Variants in INPP5J observed in about 807,000 individuals in gnomAD.
INPP5J encodes the protein inositol polyphosphate-5-phosphatase J, also known as phosphatidylinositol 4,5-bisphosphate 5-phosphatase A.
Under a neutral mutation model 86.6 loss-of-function variants are expected in INPP5J, and 75 were observed. That is an observed-to-expected ratio of 0.87 (90% confidence interval 0.72 to 1.05). The LOEUF (loss-of-function observed/expected upper bound fraction) is 1.05, where lower values mean the gene tolerates loss of function less well. INPP5J is among the 50% of genes least tolerant of loss of function. INPP5J has a pLI of 0.00. For missense variants in INPP5J, 1,229 were observed against 1,341.2 expected (o/e 0.92, Z 1.31); for synonymous variants, 540 against 550.0 (o/e 0.98, Z 0.25).
In INPP5J at chr22:31,128,624, CA is replaced by C; in HGVS notation, c.2165del (p.Lys722SerfsTer36). 6.2e-7 allele frequency: 1 copy of C among 1,601,136 alleles called. No homozygotes were observed. Among genetic ancestry groups the C allele is most frequent in the South Asian group, 1.1e-5 (1 of 89,258 alleles). ...ACATGGAATACACAGTCAGCGACCA[CA>C]AGCCTGTGGCTGCCCAGTTCCTCCT... ...SHMEYTVSDH[K>X]PVAAQFLLQF... On this transcript the variant is annotated frameshift_variant, in exon 9 of 13. Transcript: ENST00000331075. LOFTEE classifies it high-confidence loss of function.
At chr22:31,133,355 G>A (rs1922252845) in intron 10 of INPP5J, 51 bp from the exon 11 acceptor site, 28 of 1,603,916 alleles carry the variant, frequency 1.7e-5, no homozygotes, top group Admixed American at 3.4e-5. Context: ...AGACTGCTGG[G>A]ATCAGACATT....
chr22:31,133,155 C>G lies in INPP5J; in HGVS notation c.2251C>G (p.Arg751Gly). ...VRLEVADEWV[R>G]PEQAVVRYRM... ...GCTGGAGGTGGCAGATGAGTGGGTG[C>G]GGCCCGAGCAGGCGGTGGTGAGGTA... The change falls in exon 10 of 13, where the codon CGG becomes GGG. Residue 751 changes from arginine (R) to glycine (G), a missense_variant. Physicochemically the swap from Arg to Gly is moderately radical, Grantham distance 125. Coordinates refer to ENST00000331075, the MANE Select transcript of INPP5J (RefSeq NM_001284285.2). 1 of 1,577,470 alleles carries G rather than the reference C, an allele frequency of 6.3e-7. No homozygotes were observed. Among genetic ancestry groups the G allele is most frequent in the Non-Finnish European group, 8.6e-7 (1 of 1,162,540 alleles).
At chr22:31,131,356 A>G (rs563438188) in intron 9 of INPP5J, among the ~76,000 whole-genome samples, 1 of 152,224 alleles carries the variant, frequency 6.6e-6, no homozygotes, top group Admixed American at 6.5e-5. Flanking sequence ...CTAGGTCAGG[A>G]GTTCGAGACC....
chr22:31,133,029 G>A, intron 9 of INPP5J, 69 bp from the exon 10 acceptor site: 1 of 1,543,892 alleles, frequency 6.5e-7, no homozygotes, highest in Non-Finnish European at 8.8e-7. Context: ...AGACCCAAGA[G>A]CCTTAAGTGT....
rs754058365 is a variant in INPP5J, at chr22:31,122,999, G to A, written c.-16G>A. On this transcript the variant is annotated 5_prime_UTR_variant, in exon 1 of 13. Transcript: ENST00000331075. ...AGCCGGAGCCAAGGGAGTCCAGGCT[G>A]CCGGGGGCTGCAGACATGGAGGGCC... 3.5e-6 allele frequency: 5 copies of A among 1,423,634 alleles called. No individual in the cohort carries two copies. The highest frequency in any genetic ancestry group is 6.1e-5 in the East Asian group (2 of 33,026). 88.2% of individuals were successfully genotyped at this position (1,423,634 alleles called of 1,614,324 possible). A position where few individuals can be genotyped will look rare whatever the true frequency, so the allele number is the denominator to read the frequency against.
Position 31,125,048 on chromosome 22 carries a change from C to T in INPP5J, c.309C>T (p.Ser103=), listed in dbSNP as rs781427376. 1 of 1,550,630 alleles carries T rather than the reference C, an allele frequency of 6.4e-7. No homozygotes were observed. The highest frequency in any genetic ancestry group is 8.7e-7 in the Non-Finnish European group (1 of 1,147,350). ...EGQKTATAHR[S]SSLAPTSVGQ... ...AGAAAACAGCTACTGCCCACCGCAGCTCCAGCCTGGCCCCAACATCTGTGG... is the reference window on the plus strand; with the variant it reads ...AGAAAACAGCTACTGCCCACCGCAGTTCCAGCCTGGCCCCAACATCTGTGG... Residue 103 remains serine (S), a synonymous_variant, in exon 2 of 13, where the codon AGC becomes AGT. Transcript: ENST00000331075.
At chr22:31,132,663 C>T (rs1211295232) in intron 9 of INPP5J, among the ~76,000 whole-genome samples, 3 of 151,304 alleles carry the variant, frequency 2.0e-5, no homozygotes, top group Non-Finnish European at 2.9e-5. Context: ...CACTTGAACC[C>T]GGGAGGTGGA....
At chr22:31,129,253 T>TG (rs56055716) in intron 9 of INPP5J, among the ~76,000 whole-genome samples, 1 of 108,382 alleles carries the variant, frequency 9.2e-6, no homozygotes, top group African/African-American at 3.3e-5. Context: ...TTTTTTTTTT[T>TG]CTTTGAGACG....
Position 31,126,632 on chromosome 22 carries a change from A to T in INPP5J, c.1405A>T (p.Met469Leu). Residue 469 changes from methionine to leucine, a missense_variant, in exon 4 of 13, where the codon ATG (methionine) becomes TTG (leucine). Transcript: ENST00000331075. ...IAIGLQEVNS[M>L]LNKRLKDALF... ...CTCCAGGTTGCAGGAAGTGAACTCC[A>T]TGCTCAACAAGCGACTCAAGGACGC... is the stretch of plus-strand genomic sequence containing the variant. 3.7e-6 allele frequency: 6 copies of T among 1,613,638 alleles called. No homozygotes were observed. Among genetic ancestry groups the T allele is most frequent in the Non-Finnish European group, 5.1e-6 (6 of 1,179,654 alleles).
chr22:31,134,517 C>T lies in INPP5J; in HGVS notation c.*98C>T. ...CCTGCTGCTCCTCCAGCTGTATCTG[C>T]ACCTGCCTCTCTGTCCTGGCCAGGG... On this transcript the variant is annotated 3_prime_UTR_variant, in exon 13 of 13. Coordinates refer to ENST00000331075, the MANE Select transcript of INPP5J (RefSeq NM_001284285.2). 1 of 1,269,868 alleles carries T rather than the reference C, an allele frequency of 7.9e-7. No homozygotes were observed. Among genetic ancestry groups the T allele is most frequent in the African/African-American group, 1.5e-5 (1 of 66,750 alleles). 78.7% of individuals were successfully genotyped at this position (1,269,868 alleles called of 1,614,324 possible).
Position 31,126,394 on chromosome 22 carries a change from G to C in INPP5J, c.1290G>C (p.Trp430Cys). The change falls in exon 3 of 13, where the codon TGG (tryptophan) becomes TGC (cysteine). Residue 430 changes from tryptophan (W) to cysteine (C), a missense_variant. Coordinates refer to ENST00000331075, the MANE Select transcript of INPP5J (RefSeq NM_001284285.2). Reference protein sequence around the residue: ...DPGFRITVVTWNVGTAMPPDD... With the variant: ...DPGFRITVVTCNVGTAMPPDD... ...CCCTCAGGATCACTGTGGTCACATG[G>C]AACGTGGGCACTGCCATGCCCCCAG... The C allele has an allele frequency of 1.2e-6, 2 of 1,613,660 alleles. No homozygotes were observed. The highest frequency in any genetic ancestry group is 1.7e-6 in the Non-Finnish European group (2 of 1,179,768).
In INPP5J at chr22:31,134,452, C is replaced by T. The variant is rs1922416865; in HGVS notation, c.*33C>T. The T allele has an allele frequency of 7.0e-7, 1 of 1,434,728 alleles. No individual in the cohort carries two copies. The highest frequency in any genetic ancestry group is 1.6e-5 in the South Asian group (1 of 64,350). The allele number at this position is 1,434,728 out of a possible 1,614,324, so 88.9% of individuals were successfully genotyped here. The stretch of plus-strand genomic sequence containing the variant: ...GTAGGCAGATGGGCCAAGGTGACCA[C>T]CATTCTGCCTCAATCTTTTGCAAGC... On this transcript the variant is annotated 3_prime_UTR_variant, in exon 13 of 13. Transcript: ENST00000331075.
chr22:31,126,087 G>A (rs1442925723), intron 2 of INPP5J, 77 bp downstream of exon 2: 78 of 1,308,028 alleles, frequency 6.0e-5, no homozygotes, highest in Middle Eastern at 3.8e-4. Flanking sequence ...TGGATGGTGT[G>A]CTCTACCTCA....
At chr22:31,123,371 C>A (rs1479789657) in intron 1 of INPP5J, among the ~76,000 whole-genome samples, 1 of 152,184 alleles carries the variant, frequency 6.6e-6, no homozygotes, top group Non-Finnish European at 1.5e-5. Context: ...GAGGACCCAG[C>A]TGTGCTCCAC....
At chr22:31,133,854 T>C in intron 12 of INPP5J, 59 bp from the exon 13 acceptor site, 1 of 1,598,158 alleles carries the variant, frequency 6.3e-7, no homozygotes, top group East Asian at 2.2e-5. Context: ...CCTCGGGAGG[T>C]CAGGCCTCAG....
intron 9 of INPP5J, 41 bp downstream of exon 9, chr22:31,128,695 C>T (rs1921756779): frequency 6.6e-7 from 1 of 1,514,448 alleles, no homozygotes; most frequent in South Asian, 1.3e-5. Context: ...AATCCCCAGG[C>T]CCAACTCGGC....
chr22:31,126,763 G>GA (rs768159743), intron 4 of INPP5J, 42 bp downstream of exon 4: 2 of 1,556,700 alleles, frequency 1.3e-6, no homozygotes, highest in African/African-American at 2.7e-5. Flanking sequence ...AGACCCTGCT[G>GA]AATTCCTGGC....
intron 9 of INPP5J, 54 bp from the exon 10 acceptor site, chr22:31,133,044 G>A: frequency 1.3e-6 from 2 of 1,550,308 alleles, no homozygotes; most frequent in South Asian, 2.4e-5. Context: ...AAGTGTGTGG[G>A]ATACTAGAGG....
rs779748790 is a variant in INPP5J at position 31,124,848 on chromosome 22, G to T, written c.109G>T (p.Asp37Tyr). 1 of 1,609,192 alleles carries T rather than the reference G, an allele frequency of 6.2e-7. No homozygotes were observed. The highest frequency in any genetic ancestry group is 2.2e-5 in the East Asian group (1 of 44,744). ...VAQTGAPSKV[D>Y]SSFQLPAKKN... The stretch of plus-strand genomic sequence containing the variant: ...TCTTTGACTTGTCCTCCACAAGGTG[G>T]ACTCAAGTTTTCAGCTCCCAGCAAA... Residue 37 changes from aspartate (D) to tyrosine (Y), a missense_variant, in exon 2 of 13, where the codon GAC becomes TAC. Transcript: ENST00000331075.
Sources: gnomAD v4.1 joint callset for allele counts (sites outside exome capture counted in the v4.1 genomes callset) on GRCh38, gnomAD v4.1.1 for gene constraint, MANE v1.5 for transcripts, NCBI Gene and HGNC (gene_info 2026-07-23, HGNC 2026-07-21) for gene names.